CD109: variants seen among roughly 807,000 people sequenced by gnomAD.
CD109 encodes the protein CD109 molecule.
A neutral mutation model predicts 165.8 loss-of-function variants in CD109; 149 were observed. That is an observed-to-expected ratio of 0.90 (90% CI 0.79 to 1.03). The LOEUF (loss-of-function observed/expected upper bound fraction) is 1.03. Ranked by LOEUF, CD109 falls within the 50% of genes least tolerant of loss-of-function variation. CD109 has a pLI of 0.00. For missense variants in CD109, 1,712 were observed against 1,677.8 expected, an observed-to-expected ratio of 1.02 and a Z score of -0.36; for synonymous variants, 585 against 592.1, an observed-to-expected ratio of 0.99 and a Z score of 0.18.
chr6:73,756,769 T>G (rs1773408110), intron 6 of CD109, 87 bp downstream of exon 6: 2 of 947,282 alleles, frequency 2.1e-6, no homozygotes, highest in Non-Finnish European at 3.1e-6. Context: ...ATGTATTATT[T>G]GAAGTAAAAA....
At chr6:73,739,574 C>T (rs890064421) in intron 5 of CD109, among the ~76,000 whole-genome samples, 1 of 152,040 alleles carries the variant, frequency 6.6e-6, no homozygotes, top group Non-Finnish European at 1.5e-5. Context: ...ATTGGCTGGG[C>T]GTGGTGGCTC....
intron 5 of CD109, among the ~76,000 whole-genome samples, 184 bp downstream of exon 5, chr6:73,736,692 A>G (rs1285479953): frequency 1.3e-5 from 2 of 152,200 alleles, no homozygotes; most frequent in East Asian, 1.9e-4. Context: ...TCATTCTAAC[A>G]TATTAGAATT....
At chr6:73,772,615 A>G (rs1774081846) in intron 15 of CD109, among the ~76,000 whole-genome samples, 1 of 152,054 alleles carries the variant, frequency 6.6e-6, no homozygotes, top group Non-Finnish European at 1.5e-5. Flanking sequence ...CAAACCAAGA[A>G]GTATATGAAC....
intron 22 of CD109, among the ~76,000 whole-genome samples, chr6:73,790,615 G>A (rs1774890835): frequency 6.6e-6 from 1 of 152,166 alleles, no homozygotes; most frequent in South Asian, 2.1e-4. Flanking sequence ...CCAAAGGCCT[G>A]TGAAGCAGAG....
At chr6:73,761,572 G>T (rs1051007924) in intron 7 of CD109, among the ~76,000 whole-genome samples, 2 of 152,032 alleles carry the variant, frequency 1.3e-5, no homozygotes, top group Non-Finnish European at 2.9e-5. Flanking sequence ...GCCCAGGCTG[G>T]AGTGCAGTGG....
At chr6:73,728,965 G>T (rs146549297) in intron 3 of CD109, among the ~76,000 whole-genome samples, 1 of 152,312 alleles carries the variant, frequency 6.6e-6, no homozygotes, top group Admixed American at 6.5e-5. Context: ...GGAGTCTCAC[G>T]AGGTTGCAAT....
chr6:73,821,072 G>T (rs1194515361), intron 32 of CD109, among the ~76,000 whole-genome samples: 2 of 152,054 alleles, frequency 1.3e-5, no homozygotes, highest in Non-Finnish European at 2.9e-5. Context: ...AAAACCAAAT[G>T]CTGCATGTTC....
At chr6:73,810,964 T>C (rs754477275) in intron 27 of CD109, 28 bp from the exon 28 acceptor site, 6 of 1,600,882 alleles carry the variant, frequency 3.7e-6, no homozygotes, top group East Asian at 2.2e-5. Context: ...TATACTTATA[T>C]GTACAAATGT....
intron 5 of CD109, among the ~76,000 whole-genome samples, chr6:73,742,284 T>A (rs1772818309): frequency 1.3e-5 from 2 of 152,092 alleles, no homozygotes; most frequent in African/African-American, 4.8e-5. Context: ...AGACTGGCTT[T>A]TTTCTCTTAG....
chr6:73,696,322 C>T, intron 1 of CD109, 33 bp downstream of exon 1: 2 of 1,445,940 alleles, frequency 1.4e-6, no homozygotes, highest in Non-Finnish European at 1.8e-6. Flanking sequence ...GGCGCGCGGG[C>T]GCGCGGGCCT....
chr6:73,684,886 T>C, the CD109 span, among the ~76,000 whole-genome samples: 1 of 151,870 alleles, frequency 6.6e-6, no homozygotes, highest in South Asian at 2.1e-4. Context: ...GTCCTACTAT[T>C]TTGCCTATGT....
intron 15 of CD109, among the ~76,000 whole-genome samples, chr6:73,776,263 A>AT: frequency 6.6e-6 from 1 of 151,466 alleles, no homozygotes; most frequent in Non-Finnish European, 1.5e-5. Flanking sequence ...ATTTTATTTT[A>AT]TTTTTTTGAG....
At chr6:73,751,518 C>A (rs992231968) in intron 5 of CD109, among the ~76,000 whole-genome samples, 2 of 152,116 alleles carry the variant, frequency 1.3e-5, no homozygotes, top group African/African-American at 4.8e-5. Context: ...TTTGGCATAT[C>A]TAGTTGAGGG....
rs112168307 is a variant in CD109 at position 73,808,322 on chromosome 6, A to G, written c.3355+74A>G. The G allele has an allele frequency of 3.0e-5, 44 of 1,476,730 alleles. No homozygotes were observed. The African/African-American group carries it at 6.1e-4, about 20-fold the overall frequency. 91.5% of individuals were successfully genotyped at this position (1,476,730 alleles called of 1,614,324 possible). On this transcript the variant is annotated intron_variant, in intron 26 of 32. Transcript: ENST00000287097. ...ACTTACATGAGAAAAATTTTTAGCC[A>G]GGTTTGAAATTGATTACATCTGCAT...
intron 15 of CD109, among the ~76,000 whole-genome samples, chr6:73,778,981 T>A (rs1034190202): frequency 1.3e-5 from 2 of 152,170 alleles, no homozygotes; most frequent in Non-Finnish European, 2.9e-5. Flanking sequence ...TCAGTGACAT[T>A]AATTACTTCA....
chr6:73,681,324 T>TTG, the CD109 span, among the ~76,000 whole-genome samples: 10,606 of 145,566 alleles, frequency 0.073, 395 homozygotes, highest in Middle Eastern at 0.1. Flanking sequence ...CAGTTACCAT[T>TTG]TGTGTGTGTG....
chr6:73,772,237 G>C (rs1464769083), intron 15 of CD109, among the ~76,000 whole-genome samples: 1 of 152,114 alleles, frequency 6.6e-6, no homozygotes, highest in African/African-American at 2.4e-5. Flanking sequence ...CGGGCATGGT[G>C]GCTCATGCCT....
At chr6:73,802,202 C>G (rs191528373) in intron 23 of CD109, among the ~76,000 whole-genome samples, 54 of 150,250 alleles carry the variant, frequency 3.6e-4, no homozygotes, top group African/African-American at 1.3e-3. Flanking sequence ...GCCTTAACCC[C>G]CTACCTAATT....
intron 5 of CD109, among the ~76,000 whole-genome samples, chr6:73,751,006 G>T (rs2150207657): frequency 6.6e-6 from 1 of 152,184 alleles, no homozygotes; most frequent in African/African-American, 2.4e-5. Flanking sequence ...AAAATAAAAT[G>T]CTCCCTTCTC....
Sources: gnomAD v4.1 joint callset for allele counts (sites outside exome capture counted in the v4.1 genomes callset) on GRCh38, gnomAD v4.1.1 for gene constraint, MANE v1.5 for transcripts, NCBI Gene and HGNC (gene_info 2026-07-23, HGNC 2026-07-21) for gene names.